The following FREM2 variants were observed in gnomAD, a reference collection of about 807,000 sequenced individuals.
FREM2 encodes FRAS1 related extracellular matrix 2, also known as FRAS1-related extracellular matrix protein 2.
In FREM2, 119 loss-of-function variants were observed where a neutral mutation model predicts 219.9. That is an observed-to-expected ratio of 0.54 (90% CI 0.47 to 0.63). The LOEUF (loss-of-function observed/expected upper bound fraction) is 0.63. FREM2 is among the 30% of genes least tolerant of loss of function. The probability of loss-of-function intolerance (pLI) is 0.00; values close to 1 mark genes in which losing one functional copy is unlikely to be tolerated. For synonymous variants in FREM2, 1,562 were observed against 1,522.8 expected, an observed-to-expected ratio of 1.03 and a Z score of -0.60; for missense variants, 4,030 against 3,993.6, an observed-to-expected ratio of 1.01 and a Z score of -0.25.
At position 38,882,614 on chromosome 13, in the gene FREM2, G is replaced by A. The variant is rs1430263852; in HGVS notation, c.*1827G>A. ...CAAAAGTCCCACTAACGGCTTATAT[G>A]AACAGAAAGTACTGTGTAGCCCAGG... On this transcript the variant is annotated 3_prime_UTR_variant, in exon 24 of 24. Transcript: ENST00000280481. The A allele has an allele frequency of 6.6e-6, 1 of 152,186 alleles. No homozygotes were observed. Among genetic ancestry groups the A allele is most frequent in the Non-Finnish European group, 1.5e-5 (1 of 68,028 alleles). 9.4% of individuals were successfully genotyped at this position (152,186 alleles called of 1,614,324 possible). A position where few individuals can be genotyped will look rare whatever the true frequency, so the allele number is the denominator to read the frequency against.
rs151300928 is a variant in FREM2, at chr13:38,697,935, A to G, written c.5263+148A>G. The G allele has an allele frequency of 3.2e-3, 2,232 of 699,922 alleles. 13 individuals carry two copies. The highest frequency in any genetic ancestry group is 5.4e-3 in the South Asian group (357 of 65,756). 43.4% of individuals were successfully genotyped at this position (699,922 alleles called of 1,614,324 possible). On this transcript the variant is annotated intron_variant, in intron 2 of 23. Coordinates refer to ENST00000280481, the MANE Select transcript of FREM2 (RefSeq NM_207361.6). The stretch of plus-strand genomic sequence containing the variant: ...GGTATTTGCTGTAGACAATTTTACA[A>G]TCTCACTATGACACAATCCTACTAT...
intron 11 of FREM2, among the ~76,000 whole-genome samples, chr13:38,853,352 C>G (rs1030890061): frequency 8.0e-5 from 12 of 149,730 alleles, no homozygotes; most frequent in Non-Finnish European, 1.6e-4. Flanking sequence ...CAGTTCTTCT[C>G]TCTCACTTGC....
At chr13:38,781,707 AAAAT>A (rs1448588744) in intron 4 of FREM2, among the ~76,000 whole-genome samples, 12 of 152,226 alleles carry the variant, frequency 7.9e-5, no homozygotes, top group African/African-American at 2.9e-4. Flanking sequence ...TAGCACACTG[AAAAT>A]GAGTAATTTA....
intron 2 of FREM2, among the ~76,000 whole-genome samples, chr13:38,725,493 A>T (rs530617673): frequency 6.6e-6 from 1 of 152,344 alleles, no homozygotes; most frequent in African/African-American, 2.4e-5. Flanking sequence ...CTGAGCCCTG[A>T]TGAGTGAAAA....
At chr13:38,794,497 A>G (rs1211884802) in intron 6 of FREM2, among the ~76,000 whole-genome samples, 1 of 152,232 alleles carries the variant, frequency 6.6e-6, no homozygotes, top group Non-Finnish European at 1.5e-5. Flanking sequence ...TTTTGAAATA[A>G]TAGGAAAGAT....
Position 38,851,039 on chromosome 13 carries a change from A to C in FREM2, c.6673A>C (p.Asn2225His), listed in dbSNP as rs1228977759. ...LRLVLGTPQS[N>H]SPFGAAVGEQ... Reference sequence around the variant, plus strand: ...CCTGGTACTCGGCACTCCACAAAGCAACTCTCCCTTTGGGGCTGCAGTTGG... The same window carrying C: ...CCTGGTACTCGGCACTCCACAAAGCCACTCTCCCTTTGGGGCTGCAGTTGG... Residue 2225 changes from asparagine (N) to histidine (H), a missense_variant, in exon 10 of 24, where the codon AAC (asparagine) becomes CAC (histidine). This residue lies in a region of FREM2 where 3,102 missense variants were observed against 2,950.7 expected (regional missense o/e 1.05). Coordinates refer to ENST00000280481, the MANE Select transcript of FREM2 (RefSeq NM_207361.6). The C allele has an allele frequency of 2.5e-6, 4 of 1,614,082 alleles. No individual in the cohort carries two copies. The highest frequency in any genetic ancestry group is 2.5e-6 in the Non-Finnish European group (3 of 1,179,996).
chr13:38,737,143 C>A (rs1384484883), intron 2 of FREM2, among the ~76,000 whole-genome samples: 2 of 152,108 alleles, frequency 1.3e-5, no homozygotes, highest in African/African-American at 4.8e-5. Context: ...TCCTGTCTTC[C>A]CTTTGGGGAC....
chr13:38,769,173 A>T lies in FREM2; in HGVS notation c.5411-405A>T, dbSNP rs532304636. Reference sequence around the variant, plus strand: ...GGAGTTTCTTATTGGCTTATATTTTATAGTTAGAGAATGTTTCTTATTTTT... The same window carrying T: ...GGAGTTTCTTATTGGCTTATATTTTTTAGTTAGAGAATGTTTCTTATTTTT... On this transcript the variant is annotated intron_variant, in intron 3 of 23. Transcript: ENST00000280481. Among the ~76,000 whole-genome samples the T allele has an allele frequency of 9.9e-5, 15 of 152,270 alleles. No individual in the cohort carries two copies. The South Asian group carries it at 3.1e-3, about 32-fold the overall frequency.
chr13:38,740,723 A>G (rs1312629521), intron 2 of FREM2, among the ~76,000 whole-genome samples: 1 of 152,208 alleles, frequency 6.6e-6, no homozygotes, highest in Non-Finnish European at 1.5e-5. Context: ...TGCAAATAGA[A>G]ACACAGTGTA....
In FREM2 at chr13:38,880,286, C is replaced by G. The variant is rs145657148; in HGVS notation, c.9009C>G (p.Val3003=). Residue 3003 remains valine (V), a splice_region_variant and synonymous_variant, in exon 24 of 24, where the codon GTC becomes GTG. Transcript: ENST00000280481. ...ATAAATAGAGTTGTGCTTTCTAGGT[C>G]GCTCTAGGCCGAGAATGGTATATAC... is the stretch of plus-strand genomic sequence containing the variant. ...FKVDSTPLFQ[V]ALGREWYIHT... is the part of the protein sequence containing the mutation. 1.9e-6 allele frequency: 3 copies of G among 1,613,450 alleles called. No homozygotes were observed. In the South Asian group the frequency reaches 3.3e-5, roughly 18 times the overall value.
At chr13:38,855,578 A>G (rs1170018721) in intron 11 of FREM2, among the ~76,000 whole-genome samples, 1 of 152,216 alleles carries the variant, frequency 6.6e-6, no homozygotes, top group East Asian at 1.9e-4. Context: ...CGGCATTCCT[A>G]GCAACCTGGA....
chr13:38,697,345 G>A (rs1010074357), intron 1 of FREM2, among the ~76,000 whole-genome samples: 3 of 152,156 alleles, frequency 2.0e-5, no homozygotes, highest in African/African-American at 7.2e-5. Context: ...CAGGAAATCT[G>A]CCATGCCTCA....
Position 38,833,333 on chromosome 13 carries a change from A to G in FREM2, c.6020-13240A>G, listed in dbSNP as rs144167550. Among the ~76,000 whole-genome samples, 31 of 152,190 alleles carry G rather than the reference A, an allele frequency of 2.0e-4. 1 individual carries two copies. The East Asian group carries it at 5.6e-3, about 28-fold the overall frequency. On this transcript the variant is annotated intron_variant, in intron 6 of 23. Transcript: ENST00000280481. ...TAGTATTGATACATTTGGGCTTTTTATTTCATTTTCTGCATATGAACTTTG... is the reference window on the plus strand; with the variant it reads ...TAGTATTGATACATTTGGGCTTTTTGTTTCATTTTCTGCATATGAACTTTG...
intron 6 of FREM2, among the ~76,000 whole-genome samples, chr13:38,821,494 T>G (rs1489826319): frequency 6.6e-6 from 1 of 152,162 alleles, no homozygotes; most frequent in Non-Finnish European, 1.5e-5. Context: ...TTTGAAGCAC[T>G]TAAAATGATG....
intron 15 of FREM2, 128 bp from the exon 16 acceptor site, chr13:38,864,147 G>C: frequency 2.7e-6 from 2 of 745,210 alleles, no homozygotes; most frequent in Non-Finnish European, 4.6e-6. Flanking sequence ...ACTTTGATCT[G>C]TATGCCATAC....
chr13:38,768,752 C>T (rs1352903914), intron 3 of FREM2, among the ~76,000 whole-genome samples: 2 of 152,176 alleles, frequency 1.3e-5, no homozygotes, highest in African/African-American at 2.4e-5. Flanking sequence ...TTTTCTATGA[C>T]ATTGAATGTT....
intron 11 of FREM2, among the ~76,000 whole-genome samples, chr13:38,854,334 A>G (rs973083378): frequency 1.3e-5 from 2 of 152,130 alleles, no homozygotes; most frequent in African/African-American, 4.8e-5. Flanking sequence ...GCATCACAAA[A>G]CCTTGAATGC....
At position 38,688,973 on chromosome 13, in the gene FREM2, C is replaced by G. The variant is rs574171088; in HGVS notation, c.1629C>G (p.His543Gln). The G allele has an allele frequency of 6.2e-7, 1 of 1,613,754 alleles. No individual in the cohort carries two copies. The highest frequency in any genetic ancestry group is 1.1e-5 in the South Asian group (1 of 91,024). The change falls in exon 1 of 24, where the codon CAC becomes CAG. Residue 543 changes from histidine to glutamine, a missense_variant. His to Gln is a conservative substitution (Grantham distance 24). Coordinates refer to ENST00000280481, the MANE Select transcript of FREM2 (RefSeq NM_207361.6). Reference protein sequence around the residue: ...VLRMVDGGGRHQVQFLFPITL... With the variant: ...VLRMVDGGGRQQVQFLFPITL... Reference sequence around the variant, plus strand: ...GCATGGTGGATGGAGGAGGCAGGCACCAGGTACAGTTTCTGTTCCCCATCA... The same window carrying G: ...GCATGGTGGATGGAGGAGGCAGGCAGCAGGTACAGTTTCTGTTCCCCATCA...
At chr13:38,782,077 C>T (rs748562188) in intron 4 of FREM2, among the ~76,000 whole-genome samples, 15 of 152,242 alleles carry the variant, frequency 9.9e-5, no homozygotes, top group Non-Finnish European at 1.8e-4. Flanking sequence ...CATTTGTCAG[C>T]TCCTGGGGCA....
Sources: gnomAD v4.1 joint callset for allele counts (sites outside exome capture counted in the v4.1 genomes callset) on GRCh38, gnomAD v4.1.1 for gene constraint, gnomAD v4.1.1 regional missense constraint, MANE v1.5 for transcripts, NCBI Gene and HGNC (gene_info 2026-07-23, HGNC 2026-07-21) for gene names.